The following PCM1 variants were observed in gnomAD, a reference collection of about 807,000 sequenced individuals.
PCM1 encodes pericentriolar material 1.
PCM1 carries 157 observed loss-of-function variants against 241.9 expected under a neutral mutation model. The observed-to-expected ratio is 0.65, with a 90% CI of 0.57 to 0.74. The LOEUF is 0.74. PCM1 is among the 30% of genes least tolerant of loss of function. The pLI is 0.00. For missense variants in PCM1, 3,478 were observed against 2,360.1 expected (o/e 1.47, Z -9.81); for synonymous variants, 1,085 against 784.9 (o/e 1.38, Z -6.39).
chr8:17,957,704 CAGA>C lies in PCM1; in HGVS notation c.1973_1975del (p.Lys658del), dbSNP rs1456787987. 2 of 1,613,060 alleles carry C rather than the reference CAGA, an allele frequency of 1.2e-6. No homozygotes were observed. The highest frequency in any genetic ancestry group is 1.7e-6 in the Non-Finnish European group (2 of 1,179,580). On this transcript the variant is annotated inframe_deletion, in exon 13 of 39. Transcript: ENST00000325083. The stretch of plus-strand genomic sequence containing the variant: ...GCATCCAGAAGATGCTGAATTTGAA[CAGA>C]AGATCAACCGACTTATGGCTGCAAA...
intron 6 of PCM1, among the ~76,000 whole-genome samples, chr8:17,943,159 G>A (rs1339619090): frequency 6.7e-6 from 1 of 149,820 alleles, no homozygotes; most frequent in East Asian, 1.9e-4. Flanking sequence ...CCATTTTGTG[G>A]CTATTTTATG....
chr8:17,996,446 A>G (rs573442135), intron 29 of PCM1, among the ~76,000 whole-genome samples: 1 of 151,960 alleles, frequency 6.6e-6, no homozygotes, highest in African/African-American at 2.4e-5. Flanking sequence ...ATCGGTTGTA[A>G]TGTCTCCTTT....
chr8:18,024,666 A>AT (rs2094028666), intron 36 of PCM1, among the ~76,000 whole-genome samples: 4 of 152,168 alleles, frequency 2.6e-5, no homozygotes, highest in African/African-American at 9.7e-5. Flanking sequence ...TGTGCAAGGA[A>AT]GTGAAATGGT....
At chr8:18,023,798 C>T (rs868339856) in intron 36 of PCM1, among the ~76,000 whole-genome samples, 3 of 152,218 alleles carry the variant, frequency 2.0e-5, no homozygotes, top group East Asian at 1.9e-4. Context: ...GCCACTCACA[C>T]GTCAGATGAT....
At chr8:17,958,395 G>GTAT (rs1460235659) in intron 13 of PCM1, among the ~76,000 whole-genome samples, 1 of 151,878 alleles carries the variant, frequency 6.6e-6, no homozygotes, top group Non-Finnish European at 1.5e-5. Flanking sequence ...TACATATTTT[G>GTAT]TATTATAGTT....
chr8:18,015,078 A>G (rs1027319878), intron 36 of PCM1, among the ~76,000 whole-genome samples: 3 of 152,198 alleles, frequency 2.0e-5, no homozygotes, highest in African/African-American at 4.8e-5. Context: ...AAAAGATTTC[A>G]TCTTAAGTTC....
At chr8:17,993,891 T>C (rs896703949) in intron 29 of PCM1, among the ~76,000 whole-genome samples, 1 of 152,142 alleles carries the variant, frequency 6.6e-6, no homozygotes, top group Admixed American at 6.5e-5. Context: ...ATCACCTTTA[T>C]TTTTAGTTTT....
At chr8:17,957,802 C>A (rs368727106) in intron 13 of PCM1, 27 bp downstream of exon 13, 1 of 1,490,948 alleles carries the variant, frequency 6.7e-7, no homozygotes, top group Non-Finnish European at 9.3e-7. Flanking sequence ...CTTTTAAAAA[C>A]CTATTTGTCA....
Position 17,932,560 on chromosome 8 carries a change from G to A in PCM1, c.-22-3029G>A, listed in dbSNP as rs559960351. 2.6e-3 allele frequency among the ~76,000 whole-genome samples: 391 copies of A among 150,456 alleles called. 8 individuals are homozygous for A. The highest frequency in any genetic ancestry group is 0.024 in the South Asian group (113 of 4,752). On this transcript the variant is annotated intron_variant, in intron 2 of 38. Transcript: ENST00000325083. Reference sequence around the variant, plus strand: ...CTACTTGTTTTGCTTATATTTCTCCGGTTTTATTTTTTTAAAACAAATTCT... The same window carrying A: ...CTACTTGTTTTGCTTATATTTCTCCAGTTTTATTTTTTTAAAACAAATTCT...
rs1300172993 is a variant in PCM1, at chr8:18,011,685, C to T, written c.5369C>T (p.Thr1790Ile). 23 of 1,609,602 alleles carry T rather than the reference C, an allele frequency of 1.4e-5. No homozygotes were observed. The highest frequency in any genetic ancestry group is 8.4e-5 in the Admixed American group (5 of 59,312). Residue 1790 changes from threonine (T) to isoleucine (I), a missense_variant, in exon 34 of 39, where the codon ACT (threonine) becomes ATT (isoleucine). Thr to Ile is a moderately conservative substitution (Grantham distance 89). Transcript: ENST00000325083. ...AACTTAGATTTGTCTAAAGCTGAAACTCAGGCTTTAACTAATTATGGAAGT... is the reference window on the plus strand; with the variant it reads ...AACTTAGATTTGTCTAAAGCTGAAATTCAGGCTTTAACTAATTATGGAAGT... The part of the protein sequence containing the change: ...PVSINLSKAE[T>I]QALTNYGSGE...
intron 23 of PCM1, among the ~76,000 whole-genome samples, chr8:17,974,960 A>G (rs1172240602): frequency 2.6e-5 from 4 of 152,092 alleles, no homozygotes; most frequent in Admixed American, 1.3e-4. Context: ...GGTAAAATCA[A>G]ATTAGCTCAA....
At chr8:17,969,925 C>T (rs2076281740) in intron 22 of PCM1, among the ~76,000 whole-genome samples, 177 bp downstream of exon 22, 1 of 152,038 alleles carries the variant, frequency 6.6e-6, no homozygotes, top group Non-Finnish European at 1.5e-5. Flanking sequence ...TCCTGGTAAC[C>T]CTGGTACATT....
At chr8:17,974,914 A>G (rs2078197591) in intron 23 of PCM1, among the ~76,000 whole-genome samples, 2 of 151,952 alleles carry the variant, frequency 1.3e-5, no homozygotes, top group East Asian at 3.9e-4. Flanking sequence ...TTGATAGCAG[A>G]ATCAAACTAT....
chr8:17,954,151 G>T (rs546930277), intron 9 of PCM1, among the ~76,000 whole-genome samples: 1 of 152,174 alleles, frequency 6.6e-6, no homozygotes, highest in South Asian at 2.1e-4. Context: ...TGTGTGGCTG[G>T]GTGTGGTGGC....
chr8:17,948,569 C>T (rs539178630), intron 7 of PCM1, among the ~76,000 whole-genome samples: 93 of 152,138 alleles, frequency 6.1e-4, no homozygotes, highest in African/African-American at 1.9e-3. Context: ...TCCCAAAGTG[C>T]TGGGATTACA....
At chr8:17,935,484 A>T in intron 2 of PCM1, 105 bp from the exon 3 acceptor site, 2 of 597,398 alleles carry the variant, frequency 3.3e-6, no homozygotes, top group Non-Finnish European at 6.1e-6. Flanking sequence ...TTTAGTTCAT[A>T]AAAATCAGTG....
intron 23 of PCM1, among the ~76,000 whole-genome samples, chr8:17,978,513 C>T (rs111801821): frequency 2.0e-5 from 3 of 151,758 alleles, no homozygotes; most frequent in Non-Finnish European, 4.4e-5. Flanking sequence ...AGAACCAAAC[C>T]GACACCAGGC....
intron 24 of PCM1, among the ~76,000 whole-genome samples, chr8:17,984,747 C>G (rs569936576): frequency 2.4e-4 from 37 of 151,902 alleles, no homozygotes; most frequent in African/African-American, 8.2e-4. Flanking sequence ...TTTGTGTTAT[C>G]AACAAGTAAA....
intron 27 of PCM1, 69 bp from the exon 28 acceptor site, chr8:17,991,473 T>G: frequency 3.0e-6 from 4 of 1,314,244 alleles, no homozygotes; most frequent in Non-Finnish European, 4.2e-6. Flanking sequence ...TTTTTATTAA[T>G]GCATTTTGAG....
Sources: gnomAD v4.1 joint callset for allele counts (sites outside exome capture counted in the v4.1 genomes callset) on GRCh38, gnomAD v4.1.1 for gene constraint, MANE v1.5 for transcripts, NCBI Gene and HGNC (gene_info 2026-07-23, HGNC 2026-07-21) for gene names.